NKPD1: variants seen among roughly 807,000 people sequenced by gnomAD.
NKPD1 encodes the protein NTPase KAP family P-loop domain containing 1, also known as NTPase KAP family P-loop domain-containing protein 1.
Under a neutral mutation model 42.2 loss-of-function variants are expected in NKPD1, and 37 were observed. The ratio of observed to expected loss-of-function variants is 0.88; its 90% CI spans 0.67 to 1.15. NKPD1 has a LOEUF of 1.15. NKPD1 is among the 50% of genes most tolerant of loss of function. NKPD1 has a pLI of 0.00. For missense variants in NKPD1, 1,113 were observed against 1,174.6 expected (o/e 0.95, Z 0.77); for synonymous variants, 552 against 536.5 (o/e 1.03, Z -0.40).
chr19:45,162,277 C>A (rs1341451853), upstream of NKPD1, among the ~76,000 whole-genome samples: 1 of 152,160 alleles, frequency 6.6e-6, no homozygotes, highest in East Asian at 1.9e-4. Context: ...AGACACAGGA[C>A]ACAGCTACAC....
At chr19:45,161,851 C>T (rs940528376), upstream of NKPD1, among the ~76,000 whole-genome samples, 8 of 152,154 alleles carry the variant, frequency 5.3e-5, no homozygotes, top group East Asian at 1.9e-4. Flanking sequence ...CGGGGTGCTC[C>T]GATGGGGATG....
At chr19:45,161,860 T>TG (rs1969012313), upstream of NKPD1, among the ~76,000 whole-genome samples, 1 of 152,072 alleles carries the variant, frequency 6.6e-6, no homozygotes, top group Non-Finnish European at 1.5e-5. Context: ...CCGATGGGGA[T>TG]GGGGGAGGCA....
chr19:45,153,203 C>T lies in NKPD1; in HGVS notation c.1234G>A (p.Glu412Lys), dbSNP rs779851832. ...AACTTTTCACGCGACACCAGCCGCTCGATCTTCTTGCGCTGGCTTACGAAC... is the reference window on the plus strand; with the variant it reads ...AACTTTTCACGCGACACCAGCCGCTTGATCTTCTTGCGCTGGCTTACGAAC... ...HLFVSQRKKI[E>K]RLVSREKFGS... The change falls in exon 5 of 5, where the codon GAG becomes AAG. Residue 412 changes from glutamate to lysine, a missense_variant. Physicochemically the swap from Glu to Lys is moderately conservative, Grantham distance 56 (BLOSUM62 1). Around this residue, in one of 3 missense-constraint regions of NKPD1, gnomAD observed 867 missense variants for 870.1 expected, o/e 1.00. Transcript: ENST00000686631. 1 of 1,592,178 alleles carries T rather than the reference C, an allele frequency of 6.3e-7. No homozygotes were observed. Among genetic ancestry groups the T allele is most frequent in the Admixed American group, 1.7e-5 (1 of 57,166 alleles).
chr19:45,155,272 C>T (rs1474558362), intron 4 of NKPD1, among the ~76,000 whole-genome samples: 3 of 151,824 alleles, frequency 2.0e-5, no homozygotes, highest in South Asian at 2.1e-4. Context: ...GAGCCAAGAT[C>T]GCACCATTGC....
chr19:45,155,701 G>C (rs557456920), intron 4 of NKPD1, 84 bp downstream of exon 4: 2 of 1,222,390 alleles, frequency 1.6e-6, no homozygotes, highest in African/African-American at 3.1e-5. Context: ...AGGGGTGGGG[G>C]GATCTGGGGG....
chr19:45,155,131 C>T (rs549852194), intron 4 of NKPD1, among the ~76,000 whole-genome samples: 28 of 149,950 alleles, frequency 1.9e-4, no homozygotes, highest in African/African-American at 6.9e-4. Context: ...ACCATCTGGC[C>T]AACATGGTAA....
rs775306152 is a variant in NKPD1, at chr19:45,152,001, G to C, written c.2436C>G (p.Gly812=). The change falls in exon 5 of 5, where the codon GGC becomes GGG. Residue 812 remains glycine (G), a synonymous_variant. Coordinates refer to ENST00000686631, the MANE Select transcript of NKPD1 (RefSeq NM_198478.4). The part of the protein sequence containing the change: ...GHHTGDLAHR[G]KLWPVACALF... ...GCGCACAGGCCACCGGCCATAGCTT[G>C]CCCCTGTGGGCCAAGTCCCCAGTGT... 6.2e-7 allele frequency: 1 copy of C among 1,609,614 alleles called. No individual in the cohort carries two copies. Among genetic ancestry groups the C allele is most frequent in the East Asian group, 2.2e-5 (1 of 44,766 alleles).
In NKPD1 at chr19:45,151,932, C is replaced by T; in HGVS notation, c.*6G>A. 2 of 1,541,598 alleles carry T rather than the reference C, an allele frequency of 1.3e-6. No homozygotes were observed. Among genetic ancestry groups the T allele is most frequent in the Non-Finnish European group, 1.8e-6 (2 of 1,141,784 alleles). ...CTTGCCTCCTGCTGCCCGCCAAGTC[C>T]TCCATTTAAGGCCCACCTGGGCTGG... On this transcript the variant is annotated 3_prime_UTR_variant, in exon 5 of 5. Coordinates refer to ENST00000686631, the MANE Select transcript of NKPD1 (RefSeq NM_198478.4).
At position 45,152,142 on chromosome 19, in the gene NKPD1, C is replaced by G; in HGVS notation, c.2295G>C (p.Pro765=). 6.3e-7 allele frequency: 1 copy of G among 1,599,860 alleles called. No individual in the cohort carries two copies. The highest frequency in any genetic ancestry group is 8.5e-7 in the Non-Finnish European group (1 of 1,174,250). ...GGGTAGGGGACTTGGGCGGGCTGGGCGGCTTGAGCGCGCTGACGGCTCGGA... is the reference window on the plus strand; with the variant it reads ...GGGTAGGGGACTTGGGCGGGCTGGGGGGCTTGAGCGCGCTGACGGCTCGGA... The part of the protein sequence containing the change: ...GLIRAVSALK[P]PSPPKSPTRD... Residue 765 remains proline, a synonymous_variant, in exon 5 of 5, where the codon CCG becomes CCC. Transcript: ENST00000686631.
At position 45,153,793 on chromosome 19, in the gene NKPD1, G is replaced by C. The variant is rs994027304; in HGVS notation, c.662-18C>G. 2.9e-5 allele frequency: 42 copies of C among 1,433,164 alleles called. No individual in the cohort carries two copies. The African/African-American group carries it at 3.5e-4, about 12-fold the overall frequency. The allele number at this position is 1,433,164 out of a possible 1,614,324, so 88.8% of individuals were successfully genotyped here. On this transcript the variant is annotated intron_variant, in intron 4 of 4. Coordinates refer to ENST00000686631, the MANE Select transcript of NKPD1 (RefSeq NM_198478.4). The stretch of plus-strand genomic sequence containing the variant: ...CATCAGCGCTGCGGGAAGGGAGCCC[G>C]GGAGCCGCGTGAGCCGCAGACCCGC...
chr19:45,153,740 C>G lies in NKPD1; in HGVS notation c.697G>C (p.Glu233Gln). 1 of 1,508,148 alleles carries G rather than the reference C, an allele frequency of 6.6e-7. No individual in the cohort carries two copies. Among genetic ancestry groups the G allele is most frequent in the Non-Finnish European group, 8.9e-7 (1 of 1,120,698 alleles). 93.4% of individuals were successfully genotyped at this position (1,508,148 alleles called of 1,614,324 possible). A position where few individuals can be genotyped will look rare whatever the true frequency, so the allele number is the denominator to read the frequency against. The change falls in exon 5 of 5, where the codon GAG becomes CAG. Residue 233 changes from glutamate to glutamine, a missense_variant. Glu to Gln is a conservative substitution (Grantham distance 29). Coordinates refer to ENST00000686631, the MANE Select transcript of NKPD1 (RefSeq NM_198478.4). The part of the protein sequence containing the change: ...MQQEAAQRES[E>Q]ELQHVQWRPR... ...CGCCACTGCACGTGCTGCAGCTCCT[C>G]GCTCTCGCGCTGCGCGGCCTCCTGC...
chr19:45,156,749 C>T (rs781537823), intron 3 of NKPD1, among the ~76,000 whole-genome samples: 1 of 152,170 alleles, frequency 6.6e-6, no homozygotes, highest in Non-Finnish European at 1.5e-5. Flanking sequence ...AGGTAGGGTT[C>T]AGTCTTGGGG....
chr19:45,159,135 G>C (rs1305830176), intron 2 of NKPD1, 35 bp from the exon 3 acceptor site: 1 of 1,249,376 alleles, frequency 8.0e-7, no homozygotes, highest in Non-Finnish European at 1.0e-6. Context: ...CTGGGCCTGT[G>C]TCCCCGACCC....
chr19:45,151,701 A>C lies in NKPD1; in HGVS notation c.*237T>G. ...CTCCGGGCTCTCAACACCTCCATTTATTGCATGTATACCCTGACTTCCTCA... is the reference window on the plus strand; with the variant it reads ...CTCCGGGCTCTCAACACCTCCATTTCTTGCATGTATACCCTGACTTCCTCA... On this transcript the variant is annotated 3_prime_UTR_variant, in exon 5 of 5. Coordinates refer to ENST00000686631, the MANE Select transcript of NKPD1 (RefSeq NM_198478.4). The C allele has an allele frequency of 2.1e-6, 1 of 470,074 alleles. No homozygotes were observed. The highest frequency in any genetic ancestry group is 3.7e-6 in the Non-Finnish European group (1 of 268,702). The allele number at this position is 470,074 out of a possible 1,614,324, so 29.1% of individuals were successfully genotyped here.
chr19:45,155,755 TC>T, intron 4 of NKPD1, 29 bp downstream of exon 4: 1 of 1,283,712 alleles, frequency 7.8e-7, no homozygotes, highest in African/African-American at 1.5e-5. Context: ...TTTCTCATCC[TC>T]CCCCCAACAA....
In NKPD1 at chr19:45,158,832, A is replaced by C; in HGVS notation, c.360T>G (p.Pro120=). 1 of 1,279,404 alleles carries C rather than the reference A, an allele frequency of 7.8e-7. No individual in the cohort carries two copies. Among genetic ancestry groups the C allele is most frequent in the Non-Finnish European group, 1.0e-6 (1 of 977,032 alleles). 79.3% of individuals were successfully genotyped at this position (1,279,404 alleles called of 1,614,324 possible). ...LPATSTVPKE[P]ASAPQAPTLP... is the part of the protein sequence containing the mutation. The stretch of plus-strand genomic sequence containing the variant: ...AGGTGGGCGCCTGAGGGGCGCTGGC[A>C]GGTTCCTTGGGGACAGTGGAGGTTG... Residue 120 remains proline (P), a synonymous_variant, in exon 3 of 5, where the codon CCT becomes CCG. Transcript: ENST00000686631. The surrounding 1 kb of genome is among the most constrained non-coding windows in gnomAD (Gnocchi z 4.6).
At position 45,153,200 on chromosome 19, in the gene NKPD1, G is replaced by C; in HGVS notation, c.1237C>G (p.Arg413Gly). 6.3e-7 allele frequency: 1 copy of C among 1,590,556 alleles called. No individual in the cohort carries two copies. The highest frequency in any genetic ancestry group is 1.1e-5 in the South Asian group (1 of 87,834). Residue 413 changes from arginine (R) to glycine (G), a missense_variant, in exon 5 of 5, where the codon CGG (arginine) becomes GGG (glycine). Physicochemically the swap from Arg to Gly is moderately radical, Grantham distance 125. Coordinates refer to ENST00000686631, the MANE Select transcript of NKPD1 (RefSeq NM_198478.4). ...CCGAACTTTTCACGCGACACCAGCC[G>C]CTCGATCTTCTTGCGCTGGCTTACG... ...LFVSQRKKIERLVSREKFGSQ... is the reference protein window; with the variant it reads ...LFVSQRKKIEGLVSREKFGSQ...
In NKPD1 at chr19:45,152,954, G is replaced by A. The variant is rs745667126; in HGVS notation, c.1483C>T (p.Pro495Ser). The change falls in exon 5 of 5, where the codon CCC (proline) becomes TCC (serine). Residue 495 changes from proline (P) to serine (S), a missense_variant. Physicochemically the swap from Pro to Ser is moderately conservative, Grantham distance 74 (BLOSUM62 -1). Transcript: ENST00000686631. ...APFIFILVVDPSILAACLESA... is the reference protein window; with the variant it reads ...APFIFILVVDSSILAACLESA... Reference sequence around the variant, plus strand: ...TCTAGGCACGCGGCCAGGATGCTGGGGTCCACGACCAGGATGAAGATGAAG... The same window carrying A: ...TCTAGGCACGCGGCCAGGATGCTGGAGTCCACGACCAGGATGAAGATGAAG... 4 of 1,584,764 alleles carry A rather than the reference G, an allele frequency of 2.5e-6. No homozygotes were observed. Among genetic ancestry groups the A allele is most frequent in the Non-Finnish European group, 3.4e-6 (4 of 1,164,630 alleles).
chr19:45,153,017 T>C lies in NKPD1; in HGVS notation c.1420A>G (p.Asn474Asp). Residue 474 changes from asparagine to aspartate, a missense_variant, in exon 5 of 5, where the codon AAC (asparagine) becomes GAC (aspartate). Asn to Asp is a conservative substitution (Grantham distance 23). This residue lies in a region of NKPD1 where 867 missense variants were observed against 870.1 expected (regional missense o/e 1.00). Transcript: ENST00000686631. ...CYPERVVGVL[N>D]AINTLLSDSH... ...TCGGACAGCAGCGTGTTGATGGCGT[T>C]GAGCACGCCCACCACGCGCTCCGGG... The C allele has an allele frequency of 6.3e-7, 1 of 1,586,148 alleles. No homozygotes were observed. The highest frequency in any genetic ancestry group is 8.6e-7 in the Non-Finnish European group (1 of 1,165,550).
Sources: allele counts gnomAD v4.1 joint callset (sites outside exome capture counted in the v4.1 genomes callset), GRCh38; gene constraint gnomAD v4.1.1; regional missense constraint gnomAD v4.1.1; non-coding constraint Gnocchi (gnomAD v3.1); transcripts MANE v1.5; gene names NCBI Gene and HGNC (gene_info 2026-07-23, HGNC 2026-07-21).